GALNT17: variants seen among roughly 807,000 people sequenced by gnomAD.
GALNT17 encodes polypeptide N-acetylgalactosaminyltransferase 17.
In GALNT17, 29 loss-of-function variants were observed where a neutral mutation model predicts 63.7. That is an observed-to-expected ratio of 0.46 (90% CI 0.34 to 0.62). The LOEUF (loss-of-function observed/expected upper bound fraction) is 0.62. Ranked by LOEUF, GALNT17 falls within the 20% of genes least tolerant of loss-of-function variation. The pLI is 0.01. For synonymous variants in GALNT17, 305 were observed against 318.3 expected, an observed-to-expected ratio of 0.96 and a Z score of 0.45; for missense variants, 603 against 799.6, an observed-to-expected ratio of 0.75 and a Z score of 2.97.
intron 2 of GALNT17, among the ~76,000 whole-genome samples, chr7:71,368,532 C>T (rs538450138): frequency 3.3e-5 from 5 of 152,258 alleles, no homozygotes; most frequent in African/African-American, 9.6e-5. Flanking sequence ...CCCTGGGCCC[C>T]GTTGATCTCC....
intron 6 of GALNT17, among the ~76,000 whole-genome samples, chr7:71,580,825 C>T (rs1006478531): frequency 3.9e-5 from 6 of 152,102 alleles, no homozygotes; most frequent in Admixed American, 3.9e-4. Context: ...GTTTCTGAGA[C>T]ACCCCAGGCC....
intron 1 of GALNT17, among the ~76,000 whole-genome samples, chr7:71,236,710 A>G (rs1416771331): frequency 6.6e-6 from 1 of 152,144 alleles, no homozygotes; most frequent in African/African-American, 2.4e-5. Flanking sequence ...AACCAGAAAC[A>G]TGGAATCCAG....
intron 7 of GALNT17, among the ~76,000 whole-genome samples, 164 bp from the exon 8 acceptor site, chr7:71,669,808 A>ACCT (rs1460069461): frequency 6.6e-6 from 1 of 151,588 alleles, no homozygotes; most frequent in East Asian, 2.0e-4. Context: ...TGATTCACTC[A>ACCT]CCTCTGCCTC....
intron 1 of GALNT17, among the ~76,000 whole-genome samples, chr7:71,276,612 C>T (rs555672268): frequency 2.6e-5 from 4 of 152,300 alleles, no homozygotes; most frequent in African/African-American, 4.8e-5. Flanking sequence ...CCATGTAAGA[C>T]GTGGCTTTGC....
intron 5 of GALNT17, among the ~76,000 whole-genome samples, chr7:71,480,537 G>C (rs527859441): frequency 6.7e-6 from 1 of 150,274 alleles, no homozygotes. Flanking sequence ...GAGCTCTGTC[G>C]CTCATGTCAC....
At chr7:71,171,003 AT>A (rs1393198934) in intron 1 of GALNT17, among the ~76,000 whole-genome samples, 2 of 151,746 alleles carry the variant, frequency 1.3e-5, no homozygotes, top group East Asian at 1.9e-4. Context: ...CTCTCTGGGA[AT>A]TTTTTTTTCC....
intron 1 of GALNT17, among the ~76,000 whole-genome samples, chr7:71,226,359 T>C (rs939513575): frequency 2.0e-5 from 3 of 152,310 alleles, no homozygotes; most frequent in South Asian, 2.1e-4. Context: ...GGCTTCTGTT[T>C]GGAGAGCAGC....
At chr7:71,539,692 G>T in intron 5 of GALNT17, among the ~76,000 whole-genome samples, 1 of 141,142 alleles carries the variant, frequency 7.1e-6, no homozygotes, top group Admixed American at 7.1e-5. Context: ...ATCTATTTCA[G>T]GAGTTTAGTC....
rs781201301 is a variant in GALNT17, at chr7:71,133,058, C to T, written c.238+18C>T. 1.5e-5 allele frequency: 23 copies of T among 1,525,294 alleles called. No individual in the cohort carries two copies. Among genetic ancestry groups the T allele is most frequent in the Non-Finnish European group, 1.8e-5 (21 of 1,139,898 alleles). 94.5% of individuals were successfully genotyped at this position (1,525,294 alleles called of 1,614,324 possible). ...GCTGAATGGTAAGGACGCACGCCGG[C>T]GCCTCCGGGGCTCGACGCGGGCGGG... On this transcript the variant is annotated intron_variant, in intron 1 of 10. Transcript: ENST00000333538.
chr7:71,272,911 C>A (rs564260601), intron 1 of GALNT17, among the ~76,000 whole-genome samples: 61 of 152,152 alleles, frequency 4.0e-4, no homozygotes, highest in South Asian at 2.9e-3. Context: ...GCTTTTTCAC[C>A]CTACCGGAGA....
chr7:71,328,826 A>G (rs1408786082), intron 1 of GALNT17, among the ~76,000 whole-genome samples: 1 of 152,052 alleles, frequency 6.6e-6, no homozygotes, highest in African/African-American at 2.4e-5. Flanking sequence ...ATAATGCCAC[A>G]TAAGGAGAAA....
intron 2 of GALNT17, among the ~76,000 whole-genome samples, chr7:71,375,859 C>T (rs2116293215): frequency 6.6e-6 from 1 of 152,316 alleles, no homozygotes; most frequent in Admixed American, 6.5e-5. Context: ...GGGCAGAACA[C>T]TTGAGGTCAG....
chr7:71,239,464 CCT>C (rs1019112174), intron 1 of GALNT17, among the ~76,000 whole-genome samples: 2 of 152,122 alleles, frequency 1.3e-5, no homozygotes, highest in South Asian at 4.2e-4. Context: ...AGAGAGACAC[CCT>C]GTCTTGAAAA....
intron 5 of GALNT17, among the ~76,000 whole-genome samples, chr7:71,524,223 A>T (rs1198849733): frequency 6.8e-6 from 1 of 146,736 alleles, no homozygotes; most frequent in Non-Finnish European, 1.5e-5. Context: ...AACTATTATT[A>T]TATTATATTA....
intron 5 of GALNT17, among the ~76,000 whole-genome samples, chr7:71,536,195 T>A (rs1788799321): frequency 6.6e-6 from 1 of 152,164 alleles, no homozygotes; most frequent in African/African-American, 2.4e-5. Context: ...CAGAGATGAT[T>A]TGGCAGGCTC....
At chr7:71,362,185 T>G (rs934196859) in intron 2 of GALNT17, among the ~76,000 whole-genome samples, 7 of 152,192 alleles carry the variant, frequency 4.6e-5, no homozygotes, top group Non-Finnish European at 8.8e-5. Flanking sequence ...CTCGAACCCC[T>G]GACCTCAAGT....
chr7:71,472,290 A>C (rs1037192791), intron 5 of GALNT17, among the ~76,000 whole-genome samples: 1 of 152,210 alleles, frequency 6.6e-6, no homozygotes, highest in Admixed American at 6.5e-5. Context: ...GGGTTTCAAC[A>C]TGAGAGTTTG....
At chr7:71,517,148 C>T (rs959993444) in intron 5 of GALNT17, among the ~76,000 whole-genome samples, 1 of 152,176 alleles carries the variant, frequency 6.6e-6, no homozygotes, top group Admixed American at 6.5e-5. Flanking sequence ...ATTTATTTCT[C>T]ACAGTTCTGA....
At chr7:71,208,020 G>A (rs1337134968) in intron 1 of GALNT17, among the ~76,000 whole-genome samples, 3 of 149,998 alleles carry the variant, frequency 2.0e-5, no homozygotes, top group Non-Finnish European at 3.0e-5. Context: ...CTGCAACCTC[G>A]ACCCCCCTGG....
Sources: allele counts gnomAD v4.1 joint callset (sites outside exome capture counted in the v4.1 genomes callset), GRCh38; gene constraint gnomAD v4.1.1; transcripts MANE v1.5; gene names NCBI Gene and HGNC (gene_info 2026-07-23, HGNC 2026-07-21).